Variants in CSMD1 observed in about 807,000 individuals in gnomAD.
The protein encoded by CSMD1 is CUB and Sushi multiple domains 1, also known as CUB and sushi domain-containing protein 1.
Under a neutral mutation model 417.5 loss-of-function variants are expected in CSMD1, and 213 were observed. That is an observed-to-expected ratio of 0.51 (90% CI 0.46 to 0.57). The LOEUF (loss-of-function observed/expected upper bound fraction) is 0.57, where lower values mean the gene tolerates loss of function less well. Ranked by LOEUF, CSMD1 falls within the 20% of genes least tolerant of loss-of-function variation. The pLI is 0.00. For missense variants in CSMD1, 6,923 were observed against 4,529.7 expected (o/e 1.53, Z -15.17); for synonymous variants, 2,862 against 1,736.8 (o/e 1.65, Z -16.11).
rs559549611 is a variant in CSMD1 at position 3,036,173 on chromosome 8, G to T, written c.7661-6660C>A. The stretch of plus-strand genomic sequence containing the variant: ...TTAAGAAATATCAGCCTTTAATTTG[G>T]CCGTGAGTAATTCTGATTTATTATA... On this transcript the variant is annotated intron_variant, in intron 50 of 69. Coordinates refer to ENST00000635120, the MANE Select transcript of CSMD1 (RefSeq NM_033225.6). Among the ~76,000 whole-genome samples, 14 of 152,232 alleles carry T rather than the reference G, an allele frequency of 9.2e-5. No homozygotes were observed. In the South Asian group the frequency reaches 2.7e-3, roughly 29 times the overall value.
intron 50 of CSMD1, among the ~76,000 whole-genome samples, chr8:3,050,115 A>C (rs1391512983): frequency 6.6e-6 from 1 of 151,822 alleles, no homozygotes; most frequent in African/African-American, 2.4e-5. Context: ...TAAAAAAAAA[A>C]AAAAAACTGA....
intron 3 of CSMD1, among the ~76,000 whole-genome samples, chr8:4,177,756 C>A (rs1011334998): frequency 6.6e-6 from 1 of 151,232 alleles, no homozygotes. Flanking sequence ...ATATCACCAC[C>A]GATCCCACTG....
At chr8:3,880,021 G>T (rs527523447) in intron 5 of CSMD1, among the ~76,000 whole-genome samples, 3 of 151,954 alleles carry the variant, frequency 2.0e-5, no homozygotes, top group Admixed American at 6.6e-5. Context: ...ACTGACTAAT[G>T]TAAGTATAAA....
Position 3,411,962 on chromosome 8 carries a change from A to G in CSMD1, c.1562-2357T>C, listed in dbSNP as rs1225927592. Among the ~76,000 whole-genome samples the G allele has an allele frequency of 1.6e-4, 6 of 37,292 alleles. 1 individual carries two copies. The highest frequency in any genetic ancestry group is 1.2e-3 in the South Asian group (1 of 826). The allele number at this position is 37,292 out of a possible 152,430, so 24.5% of individuals were successfully genotyped here. On this transcript the variant is annotated intron_variant, in intron 12 of 69. Coordinates refer to ENST00000635120, the MANE Select transcript of CSMD1 (RefSeq NM_033225.6). Reference sequence around the variant, plus strand: ...TATATGCACGTATATATACACGTATATATGCACGTATATATACACGTATAT... The same window carrying G: ...TATATGCACGTATATATACACGTATGTATGCACGTATATATACACGTATAT...
intron 3 of CSMD1, among the ~76,000 whole-genome samples, chr8:4,164,832 T>G (rs1584941173): frequency 6.6e-6 from 1 of 151,542 alleles, no homozygotes; most frequent in East Asian, 1.9e-4. Context: ...GCTGACATTG[T>G]GCCACTGCAC....
chr8:4,163,727 G>C (rs148296449), intron 3 of CSMD1, among the ~76,000 whole-genome samples: 305 of 152,236 alleles, frequency 2.0e-3, no homozygotes, highest in African/African-American at 7.1e-3. Context: ...TGATGATCTT[G>C]ATTAATCAGT....
chr8:3,361,690 G>T (rs1286390168), intron 20 of CSMD1, among the ~76,000 whole-genome samples: 1 of 144,730 alleles, frequency 6.9e-6, no homozygotes, highest in Non-Finnish European at 1.5e-5. Flanking sequence ...AAACATTCTT[G>T]CCAAACAGGA....
At chr8:3,719,636 A>G (rs1443873954) in intron 6 of CSMD1, among the ~76,000 whole-genome samples, 1 of 152,126 alleles carries the variant, frequency 6.6e-6, no homozygotes, top group Non-Finnish European at 1.5e-5. Flanking sequence ...AGGAAAGTGC[A>G]CTCTGGGTAG....
At chr8:4,209,383 A>T (rs1800168059) in intron 3 of CSMD1, among the ~76,000 whole-genome samples, 1 of 152,140 alleles carries the variant, frequency 6.6e-6, no homozygotes, top group Non-Finnish European at 1.5e-5. Context: ...CATCCTTCTG[A>T]TGCCGAAGAC....
intron 43 of CSMD1, among the ~76,000 whole-genome samples, chr8:3,109,252 A>C (rs1179356026): frequency 2.0e-5 from 3 of 152,248 alleles, no homozygotes; most frequent in Non-Finnish European, 4.4e-5. Context: ...CGACAGGGCA[A>C]GACTCTGTCT....
rs1466554799 is a variant in CSMD1, at chr8:2,948,803, A to G, written c.10402+496T>C. 7.2e-5 allele frequency among the ~76,000 whole-genome samples: 11 copies of G among 152,140 alleles called. No individual in the cohort carries two copies. The South Asian group carries it at 1.7e-3, about 23-fold the overall frequency. ...ATTGTATCTACCCATACATCCATCA[A>G]AATTAAACATGAGCATCTTTTCCTG... On this transcript the variant is annotated intron_variant, in intron 68 of 69. Coordinates refer to ENST00000635120, the MANE Select transcript of CSMD1 (RefSeq NM_033225.6).
At chr8:4,340,060 G>C (rs554578263) in intron 3 of CSMD1, among the ~76,000 whole-genome samples, 2 of 152,128 alleles carry the variant, frequency 1.3e-5, no homozygotes, top group South Asian at 2.1e-4. Context: ...TATGTTTTAG[G>C]ACTGACTCTG....
intron 1 of CSMD1, among the ~76,000 whole-genome samples, chr8:4,864,418 T>G (rs1202313393): frequency 6.6e-6 from 1 of 151,892 alleles, no homozygotes; most frequent in African/African-American, 2.4e-5. Context: ...CTTCCTTACT[T>G]TACTATATCC....
At chr8:4,307,951 G>C (rs1348525601) in intron 3 of CSMD1, among the ~76,000 whole-genome samples, 1 of 152,174 alleles carries the variant, frequency 6.6e-6, no homozygotes, top group African/African-American at 2.4e-5. Flanking sequence ...CGGTGTAACA[G>C]AGGAGAGACA....
intron 2 of CSMD1, among the ~76,000 whole-genome samples, chr8:4,551,266 T>C (rs184921743): frequency 3.9e-5 from 6 of 152,176 alleles, no homozygotes. Context: ...TTTTTATAGT[T>C]AAAATCCAAC....
At chr8:4,122,818 C>G (rs1352058720) in intron 3 of CSMD1, among the ~76,000 whole-genome samples, 1 of 152,130 alleles carries the variant, frequency 6.6e-6, no homozygotes, top group Non-Finnish European at 1.5e-5. Context: ...TTTAATCTCC[C>G]CCTCCCTCTG....
Position 3,110,198 on chromosome 8 carries a change from G to A in CSMD1, c.6568C>T (p.Leu2190=). The change falls in exon 43 of 70, where the codon CTG becomes TTG. Residue 2190 remains leucine, a synonymous_variant. Transcript: ENST00000635120. ...PGHGVYINFT[L]LQTEAVNDYI... is the part of the protein sequence containing the mutation. ...TCGTTGACAGCTTCCGTCTGTAACA[G>A]GGTGAAGTTGATGTAAACTCCGTGC... 1 of 1,613,096 alleles carries A rather than the reference G, an allele frequency of 6.2e-7. No individual in the cohort carries two copies.
At chr8:4,279,546 G>C (rs982155865) in intron 3 of CSMD1, among the ~76,000 whole-genome samples, 22 of 152,218 alleles carry the variant, frequency 1.4e-4, no homozygotes, top group African/African-American at 4.6e-4. Flanking sequence ...CTTTAGCAAT[G>C]TATCCTCTAA....
At chr8:2,984,292 G>C (rs1228701173) in intron 54 of CSMD1, among the ~76,000 whole-genome samples, 1 of 152,180 alleles carries the variant, frequency 6.6e-6, no homozygotes, top group Non-Finnish European at 1.5e-5. Flanking sequence ...GGGAGAGGTA[G>C]GATGCTGGGA....
Sources: allele counts gnomAD v4.1 joint callset (sites outside exome capture counted in the v4.1 genomes callset), GRCh38; gene constraint gnomAD v4.1.1; transcripts MANE v1.5; gene names NCBI Gene and HGNC (gene_info 2026-07-23, HGNC 2026-07-21).